The following RASEF variants were observed in gnomAD, a reference collection of about 807,000 sequenced individuals.
RASEF encodes ras and EF-hand domain-containing protein.
A neutral mutation model predicts 90.1 loss-of-function variants in RASEF; 68 were observed. The ratio of observed to expected loss-of-function variants is 0.75; its 90% CI spans 0.62 to 0.92. The LOEUF (loss-of-function observed/expected upper bound fraction) is 0.92. RASEF is among the 40% of genes least tolerant of loss of function. The pLI is 0.00. For missense variants in RASEF, 949 were observed against 937.2 expected (o/e 1.01, Z -0.16); for synonymous variants, 331 against 345.2 (o/e 0.96, Z 0.46).
the RASEF span, among the ~76,000 whole-genome samples, chr9:83,160,457 G>A: frequency 6.6e-6 from 1 of 152,276 alleles, no homozygotes; most frequent in East Asian, 1.9e-4. Flanking sequence ...ACTTGAGAGA[G>A]ATGATTTAGG....
chr9:83,102,979 A>G, the RASEF span, among the ~76,000 whole-genome samples: 1 of 152,216 alleles, frequency 6.6e-6, no homozygotes, highest in African/African-American at 2.4e-5. Context: ...ACATCAAAAC[A>G]TCAGAATAAA....
chr9:83,187,181 T>C, the RASEF span, among the ~76,000 whole-genome samples: 1 of 152,188 alleles, frequency 6.6e-6, no homozygotes, highest in Non-Finnish European at 1.5e-5. Flanking sequence ...AAGCCTTCTC[T>C]CTCCTGTCTT....
At chr9:83,133,747 AT>A in the RASEF span, among the ~76,000 whole-genome samples, 1 of 152,188 alleles carries the variant, frequency 6.6e-6, no homozygotes, top group Non-Finnish European at 1.5e-5. Flanking sequence ...AAAATCTATG[AT>A]TAACAAAAGG....
the RASEF span, among the ~76,000 whole-genome samples, chr9:83,126,126 T>A: frequency 5.8e-4 from 88 of 152,304 alleles, no homozygotes; most frequent in Non-Finnish European, 7.4e-5. Flanking sequence ...ATATGTAACC[T>A]ATTGCTATGG....
the RASEF span, among the ~76,000 whole-genome samples, chr9:83,107,035 C>T: frequency 9.3e-3 from 1,413 of 152,274 alleles, 16 homozygotes; most frequent in African/African-American, 0.033. Context: ...CAACTTGTTA[C>T]ACTCATCTGG....
chr9:83,155,985 C>A, the RASEF span, among the ~76,000 whole-genome samples: 1 of 152,142 alleles, frequency 6.6e-6, no homozygotes, highest in Non-Finnish European at 1.5e-5. Flanking sequence ...AGTTATATGG[C>A]CCTGGGATTC....
At chr9:83,158,791 C>T in the RASEF span, among the ~76,000 whole-genome samples, 4 of 125,630 alleles carry the variant, frequency 3.2e-5, no homozygotes, top group Non-Finnish European at 6.6e-5. Context: ...TATATACACA[C>T]ATATGCATAT....
chr9:83,199,580 A>G, the RASEF span, among the ~76,000 whole-genome samples: 12 of 152,222 alleles, frequency 7.9e-5, no homozygotes, highest in Non-Finnish European at 1.2e-4. Context: ...CCTCTTACGC[A>G]GTTTCTTTCC....
At chr9:83,098,769 A>G in the RASEF span, among the ~76,000 whole-genome samples, 1 of 152,196 alleles carries the variant, frequency 6.6e-6, no homozygotes, top group Non-Finnish European at 1.5e-5. Context: ...TCTCATTTAT[A>G]AAACTATCAG....
At chr9:83,158,663 T>TATGTATATATTTATGTACATATACAC in the RASEF span, among the ~76,000 whole-genome samples, 1 of 148,070 alleles carries the variant, frequency 6.8e-6, no homozygotes, top group South Asian at 2.1e-4. Flanking sequence ...TATATACATA[T>TATGTATATATTTATGTACATATACAC]ATGTATATAT....
the RASEF span, among the ~76,000 whole-genome samples, chr9:83,156,422 G>T: frequency 1.3e-5 from 2 of 152,168 alleles, no homozygotes; most frequent in African/African-American, 4.8e-5. Flanking sequence ...CTCTGTTGCT[G>T]GTTCCTCATG....
Position 83,022,572 on chromosome 9 carries a change from TAATAA to T in RASEF, c.579-151_579-147del. The T allele has an allele frequency of 1.3e-5, 8 of 637,846 alleles. No individual in the cohort carries two copies. The South Asian group carries it at 1.6e-4, about 12-fold the overall frequency. The allele number at this position is 637,846 out of a possible 1,614,324, so 39.5% of individuals were successfully genotyped here. ...AAAATGATTTCCCATTCCTTCTACA[TAATAA>T]AATGAGATTGGCAATTCGACCATTT... is the stretch of plus-strand genomic sequence containing the variant. On this transcript the variant is annotated intron_variant, in intron 2 of 16. Transcript: ENST00000376447.
chr9:83,016,127 T>A (rs560817650), intron 3 of RASEF, among the ~76,000 whole-genome samples: 1 of 152,286 alleles, frequency 6.6e-6, no homozygotes, highest in East Asian at 1.9e-4. Flanking sequence ...ACAACCTACA[T>A]ACACACCTCA....
At chr9:83,218,020 A>G in the RASEF span, among the ~76,000 whole-genome samples, 1 of 152,332 alleles carries the variant, frequency 6.6e-6, no homozygotes, top group South Asian at 2.1e-4. Flanking sequence ...CATGCCAGAT[A>G]CATAACTTCA....
chr9:83,215,551 G>T, the RASEF span, among the ~76,000 whole-genome samples: 1 of 152,212 alleles, frequency 6.6e-6, no homozygotes, highest in Admixed American at 6.5e-5. Flanking sequence ...CTGCTAAGGG[G>T]ATCAGGGAAC....
rs911254035 is a variant in RASEF at position 83,000,879 on chromosome 9, T to C, written c.1437+17A>G. 1.3e-6 allele frequency: 2 copies of C among 1,595,520 alleles called. No individual in the cohort carries two copies. The highest frequency in any genetic ancestry group is 2.2e-5 in the East Asian group (1 of 44,762). ...TCACGTAGAAGGCCTAGGAGAGCAG[T>C]GGTTTCTGGGGCTTACATCTGTGTC... On this transcript the variant is annotated intron_variant, in intron 10 of 16. Coordinates refer to ENST00000376447, the MANE Select transcript of RASEF (RefSeq NM_152573.4).
At chr9:83,057,194 T>C (rs1238663835) in intron 1 of RASEF, among the ~76,000 whole-genome samples, 1 of 152,128 alleles carries the variant, frequency 6.6e-6, no homozygotes, top group African/African-American at 2.4e-5. Context: ...GCCAGAGCAA[T>C]CAGGCAAGAG....
At chr9:83,110,886 C>T in the RASEF span, among the ~76,000 whole-genome samples, 7 of 152,252 alleles carry the variant, frequency 4.6e-5, no homozygotes, top group African/African-American at 1.7e-4. Context: ...AATGTACATT[C>T]ACCCAGTTCT....
the RASEF span, among the ~76,000 whole-genome samples, chr9:83,116,605 G>C: frequency 6.6e-6 from 1 of 152,296 alleles, no homozygotes; most frequent in Admixed American, 6.5e-5. Context: ...CTAGTCACTA[G>C]AGGTTTTATA....
Sources: gnomAD v4.1 joint callset for allele counts (sites outside exome capture counted in the v4.1 genomes callset) on GRCh38, gnomAD v4.1.1 for gene constraint, MANE v1.5 for transcripts, NCBI Gene and HGNC (gene_info 2026-07-23, HGNC 2026-07-21) for gene names.